ATR: variants seen among roughly 807,000 people sequenced by gnomAD.
ATR encodes the protein serine/threonine-protein kinase ATR.
In ATR, 142 loss-of-function variants were observed where a neutral mutation model predicts 305.3. The observed-to-expected ratio is 0.47, with a 90% CI of 0.41 to 0.53. The LOEUF (loss-of-function observed/expected upper bound fraction) is 0.53, where lower values mean the gene tolerates loss of function less well. Among genes scored for constraint, ATR ranks in the 20% least tolerant of loss-of-function variants. The pLI, the probability that ATR is intolerant of heterozygous loss-of-function variation, is 0.00. For missense variants in ATR, 2,135 were observed against 3,133.1 expected (o/e 0.68, Z 7.60); for synonymous variants, 1,050 against 1,068.1 (o/e 0.98, Z 0.33).
Position 142,493,131 on chromosome 3 carries a change from C to T in ATR, c.6078+1G>A. 1 of 1,613,164 alleles carries T rather than the reference C, an allele frequency of 6.2e-7. No homozygotes were observed. Among genetic ancestry groups the T allele is most frequent in the Non-Finnish European group, 8.5e-7 (1 of 1,179,446 alleles). ...TGAAACTGCATTATACATATACTTG[C>T]CTTATATTTTTTCATAATTGCATTG... is the stretch of plus-strand genomic sequence containing the variant. On this transcript the variant is annotated splice_donor_variant, in intron 35 of 46. Coordinates refer to ENST00000350721, the MANE Select transcript of ATR (RefSeq NM_001184.4). LOFTEE classifies it high-confidence loss of function.
chr3:142,476,001 G>A lies in ATR; in HGVS notation c.6222-5818C>T, dbSNP rs1436857480. Among the ~76,000 whole-genome samples, 3 of 152,188 alleles carry A rather than the reference G, an allele frequency of 2.0e-5. No homozygotes were observed. In the East Asian group the frequency reaches 5.8e-4, roughly 29 times the overall value. Reference sequence around the variant, plus strand: ...TGTAGATTCTGGATATTAGCCCTTCGTCAGATGAGTAGATTGCAAAAATTT... The same window carrying A: ...TGTAGATTCTGGATATTAGCCCTTCATCAGATGAGTAGATTGCAAAAATTT... On this transcript the variant is annotated intron_variant, in intron 36 of 46. Coordinates refer to ENST00000350721, the MANE Select transcript of ATR (RefSeq NM_001184.4).
At position 142,508,075 on chromosome 3, in the gene ATR, TACAC is replaced by T; in HGVS notation, c.4883_4886del (p.Ser1628LysfsTer5). On this transcript the variant is annotated frameshift_variant, in exon 28 of 47. Coordinates refer to ENST00000350721, the MANE Select transcript of ATR (RefSeq NM_001184.4). LOFTEE classifies it high-confidence loss of function. ...GGGGTATGAGGTCTAGAAAACGGGT[TACAC>T]TCTGATAGTCTTCATAATCCACAGT... 1 of 1,613,172 alleles carries T rather than the reference TACAC, an allele frequency of 6.2e-7. No individual in the cohort carries two copies. Among genetic ancestry groups the T allele is most frequent in the Non-Finnish European group, 8.5e-7 (1 of 1,179,724 alleles).
At position 142,485,134 on chromosome 3, in the gene ATR, A is replaced by G; in HGVS notation, c.6221+6T>C. 1 of 1,614,048 alleles carries G rather than the reference A, an allele frequency of 6.2e-7. No homozygotes were observed. The highest frequency in any genetic ancestry group is 8.5e-7 in the Non-Finnish European group (1 of 1,179,984). ...TAATCTGCAAACATGCAGTTCTCAT[A>G]CTCACCTGCCAAAATGAAGAACTAT... On this transcript the variant is annotated splice_donor_region_variant and intron_variant, in intron 36 of 46. Coordinates refer to ENST00000350721, the MANE Select transcript of ATR (RefSeq NM_001184.4).
chr3:142,469,267 T>G (rs879114264), intron 38 of ATR, 70 bp downstream of exon 38: 1 of 1,260,244 alleles, frequency 7.9e-7, no homozygotes. Context: ...TACATATTAG[T>G]ATTACATAAT....
chr3:142,455,899 A>T (rs926548557), intron 45 of ATR, among the ~76,000 whole-genome samples: 5 of 152,268 alleles, frequency 3.3e-5, no homozygotes, highest in African/African-American at 1.2e-4. Flanking sequence ...AGACTGCATC[A>T]AAATTTAAAA....
intron 31 of ATR, 152 bp from the exon 32 acceptor site, chr3:142,498,926 G>C (rs1294044750): frequency 2.6e-6 from 2 of 766,332 alleles, no homozygotes; most frequent in Non-Finnish European, 4.3e-6. Flanking sequence ...TGTGGTCCAG[G>C]ATAGAGGGCT....
At chr3:142,486,851 T>G (rs1215382853) in intron 35 of ATR, among the ~76,000 whole-genome samples, 1 of 150,240 alleles carries the variant, frequency 6.7e-6, no homozygotes, top group Non-Finnish European at 1.5e-5. Flanking sequence ...CAAGATGGCT[T>G]ATGCTTGTAA....
chr3:142,472,287 T>A (rs1461033854), intron 36 of ATR: 1 of 152,214 alleles, frequency 6.6e-6, no homozygotes, highest in Non-Finnish European at 1.5e-5. Flanking sequence ...ATATACCCCA[T>A]AATGGGATTG....
chr3:142,561,318 T>C lies in ATR; in HGVS notation c.1274A>G (p.Asp425Gly), dbSNP rs1302056164. 3 of 1,614,002 alleles carry C rather than the reference T, an allele frequency of 1.9e-6. No homozygotes were observed. Among genetic ancestry groups the C allele is most frequent in the Non-Finnish European group, 2.5e-6 (3 of 1,179,966 alleles). ...ACGACGCCTTTTGGGTGATATTCCA[T>C]CACTATTACTGCTGAGGTTTTCCTG... ...TQQENLSSNS[D>G]GISPKRRRLS... Residue 425 changes from aspartate (D) to glycine (G), a missense_variant, in exon 5 of 47, where the codon GAT becomes GGT. Asp to Gly is a moderately conservative substitution (Grantham distance 94). Coordinates refer to ENST00000350721, the MANE Select transcript of ATR (RefSeq NM_001184.4).
At chr3:142,466,569 A>C (rs1300298864) in intron 39 of ATR, 36 bp from the exon 40 acceptor site, 1 of 1,564,554 alleles carries the variant, frequency 6.4e-7, no homozygotes, top group Non-Finnish European at 8.7e-7. Flanking sequence ...ATTTGTTTTT[A>C]CCTTAAATTC....
chr3:142,554,035 A>AT lies in ATR; in HGVS notation c.2342-21_2342-20insA. On this transcript the variant is annotated intron_variant, in intron 10 of 46. Transcript: ENST00000350721. ...TGAAAGCTGAAGGACAAGAGTATAC[A>AT]ATACCTAATTTAACATATTAAATGT... 1 of 1,561,554 alleles carries AT rather than the reference A, an allele frequency of 6.4e-7. No homozygotes were observed.
intron 36 of ATR, among the ~76,000 whole-genome samples, chr3:142,478,455 C>T (rs140512510): frequency 0.34 from 52,009 of 151,976 alleles, 9,406 homozygotes; most frequent in Middle Eastern, 0.44. Context: ...GTCTGAGAGA[C>T]AGTTTGTTAT....
chr3:142,569,888 G>A (rs1014413252), intron 1 of ATR, among the ~76,000 whole-genome samples: 15 of 151,922 alleles, frequency 9.9e-5, no homozygotes, highest in Admixed American at 2.0e-4. Context: ...CTCGTGATCC[G>A]CCTGCCTCAG....
At position 142,534,994 on chromosome 3, in the gene ATR, C is replaced by T. The variant is rs2033801281; in HGVS notation, c.3945+86G>A. Reference sequence around the variant, plus strand: ...AAAAATTTCTTCTTTCACTAAATCTCAAACAAAAATGTCATTTTGTCATCT... The same window carrying T: ...AAAAATTTCTTCTTTCACTAAATCTTAAACAAAAATGTCATTTTGTCATCT... On this transcript the variant is annotated intron_variant, in intron 21 of 46. Coordinates refer to ENST00000350721, the MANE Select transcript of ATR (RefSeq NM_001184.4). 9.0e-6 allele frequency: 13 copies of T among 1,438,224 alleles called. No individual in the cohort carries two copies. In the South Asian group the frequency reaches 1.4e-4, roughly 16 times the overall value. 89.1% of individuals were successfully genotyped at this position (1,438,224 alleles called of 1,614,324 possible).
At chr3:142,474,795 G>C (rs917038520) in intron 36 of ATR, among the ~76,000 whole-genome samples, 5 of 152,060 alleles carry the variant, frequency 3.3e-5, no homozygotes, top group African/African-American at 7.2e-5. Flanking sequence ...GGGCATCTTT[G>C]TCTTAATCTT....
At chr3:142,484,809 T>C (rs2030801701) in intron 36 of ATR, among the ~76,000 whole-genome samples, 1 of 152,148 alleles carries the variant, frequency 6.6e-6, no homozygotes, top group Admixed American at 6.5e-5. Context: ...TGGTGTCCAC[T>C]GCTTGGTGTA....
chr3:142,513,857 A>G (rs776191672), intron 25 of ATR, among the ~76,000 whole-genome samples: 13 of 152,126 alleles, frequency 8.5e-5, no homozygotes, highest in Non-Finnish European at 1.9e-4. Flanking sequence ...AATTTTAAAG[A>G]GATTTTTTCT....
At position 142,536,821 on chromosome 3, in the gene ATR, T is replaced by C. The variant is rs1310507408; in HGVS notation, c.3726-620A>G. Among the ~76,000 whole-genome samples, 3 of 152,196 alleles carry C rather than the reference T, an allele frequency of 2.0e-5. 1 individual carries two copies. Among genetic ancestry groups the C allele is most frequent in the Admixed American group, 6.5e-5 (1 of 15,274 alleles). On this transcript the variant is annotated intron_variant, in intron 19 of 46. Coordinates refer to ENST00000350721, the MANE Select transcript of ATR (RefSeq NM_001184.4). ...CTCATTGTTTTAAGATACTAGGTTT[T>C]GGAGTGATTTGGAATGTAGCAATAG...
rs564222109 is a variant in ATR at position 142,518,470 on chromosome 3, C to A, written c.4382+1199G>T. Among the ~76,000 whole-genome samples the A allele has an allele frequency of 2.6e-5, 4 of 152,242 alleles. No homozygotes were observed. In the East Asian group the frequency reaches 7.7e-4, roughly 29 times the overall value. ...AGGTAGAGGCTGCAGTGAGCTGATACCGCATCACTGCACTCCAGCCTGGGC... is the reference window on the plus strand; with the variant it reads ...AGGTAGAGGCTGCAGTGAGCTGATAACGCATCACTGCACTCCAGCCTGGGC... On this transcript the variant is annotated intron_variant, in intron 24 of 46. Coordinates refer to ENST00000350721, the MANE Select transcript of ATR (RefSeq NM_001184.4).
Sources: gnomAD v4.1 joint callset for allele counts (sites outside exome capture counted in the v4.1 genomes callset) on GRCh38, gnomAD v4.1.1 for gene constraint, MANE v1.5 for transcripts, NCBI Gene and HGNC (gene_info 2026-07-23, HGNC 2026-07-21) for gene names.